Variants in FAM174A observed in about 807,000 individuals in gnomAD.
FAM174A encodes membrane protein FAM174A.
A neutral mutation model predicts 14.3 loss-of-function variants in FAM174A; 14 were observed. That is an observed-to-expected ratio of 0.98 (90% confidence interval 0.65 to 1.53). The LOEUF (loss-of-function observed/expected upper bound fraction) is 1.53, where lower values mean the gene tolerates loss of function less well. Ranked by LOEUF, FAM174A falls within the 40% of genes most tolerant of loss-of-function variation. The pLI is 0.00. For missense variants in FAM174A, 241 were observed against 249.6 expected (o/e 0.97, Z 0.23); for synonymous variants, 108 against 111.4 (o/e 0.97, Z 0.19).
At chr5:100,563,311 T>A (rs927647219) in intron 2 of FAM174A, among the ~76,000 whole-genome samples, 2 of 151,828 alleles carry the variant, frequency 1.3e-5, no homozygotes, top group Non-Finnish European at 2.9e-5. Context: ...GAAACTGATA[T>A]TCCATGCAAA....
At chr5:100,549,185 T>C (rs73774436) in intron 1 of FAM174A, among the ~76,000 whole-genome samples, 1 of 152,162 alleles carries the variant, frequency 6.6e-6, no homozygotes, top group Admixed American at 6.6e-5. Context: ...ATAGAACCAG[T>C]GAGAGGCTAC....
intron 1 of FAM174A, among the ~76,000 whole-genome samples, chr5:100,557,481 C>G (rs1292736967): frequency 6.6e-6 from 1 of 152,124 alleles, no homozygotes; most frequent in East Asian, 1.9e-4. Context: ...CCCTCTTTTT[C>G]TATTGATTGG....
intron 1 of FAM174A, among the ~76,000 whole-genome samples, chr5:100,545,926 A>C (rs1222567726): frequency 6.6e-6 from 1 of 152,190 alleles, no homozygotes; most frequent in African/African-American, 2.4e-5. Flanking sequence ...AAATTTATAT[A>C]GATGTATACA....
At chr5:100,562,231 T>A (rs1262370362) in intron 2 of FAM174A, 43 bp downstream of exon 2, 1 of 1,533,636 alleles carries the variant, frequency 6.5e-7, no homozygotes, top group Non-Finnish European at 8.7e-7. Flanking sequence ...AGGAAGCAAG[T>A]CCTTGCCAAG....
chr5:100,571,261 T>C (rs1746773320), intron 2 of FAM174A, among the ~76,000 whole-genome samples: 1 of 151,764 alleles, frequency 6.6e-6, no homozygotes, highest in Non-Finnish European at 1.5e-5. Context: ...TTTGCATCTA[T>C]GTATTTAAAA....
intron 1 of FAM174A, among the ~76,000 whole-genome samples, chr5:100,541,862 C>G (rs1011646016): frequency 8.5e-5 from 13 of 152,148 alleles, no homozygotes; most frequent in Non-Finnish European, 4.4e-5. Context: ...ACTCAGTGCA[C>G]TGGTTCTTAC....
At chr5:100,568,799 A>G (rs1746718150) in intron 2 of FAM174A, among the ~76,000 whole-genome samples, 1 of 151,942 alleles carries the variant, frequency 6.6e-6, no homozygotes, top group African/African-American at 2.4e-5. Context: ...AAGGATATAT[A>G]GTCAGATACT....
intron 2 of FAM174A, among the ~76,000 whole-genome samples, chr5:100,572,156 G>T (rs1746795040): frequency 6.7e-6 from 1 of 150,118 alleles, no homozygotes; most frequent in African/African-American, 2.4e-5. Flanking sequence ...GCTTAAGGAA[G>T]TTATATTAAT....
intron 2 of FAM174A, among the ~76,000 whole-genome samples, chr5:100,583,174 C>T (rs1015285529): frequency 4.6e-5 from 7 of 152,086 alleles, no homozygotes; most frequent in African/African-American, 1.7e-4. Context: ...TCCTTGTCTT[C>T]ACGTTGAGTA....
intron 1 of FAM174A, among the ~76,000 whole-genome samples, chr5:100,547,087 G>A (rs1167540796): frequency 6.6e-6 from 1 of 152,182 alleles, no homozygotes; most frequent in African/African-American, 2.4e-5. Flanking sequence ...TTGTAGGCTA[G>A]GCCACATCAT....
intron 1 of FAM174A, among the ~76,000 whole-genome samples, chr5:100,558,200 G>C (rs1746437571): frequency 6.6e-6 from 1 of 152,186 alleles, no homozygotes; most frequent in African/African-American, 2.4e-5. Context: ...TATGTACCCA[G>C]TAGTCATTCA....
At chr5:100,567,318 G>T (rs946009038) in intron 2 of FAM174A, among the ~76,000 whole-genome samples, 2 of 151,540 alleles carry the variant, frequency 1.3e-5, no homozygotes, top group African/African-American at 4.8e-5. Context: ...CTATCTATTT[G>T]CCAAGCACTG....
In FAM174A at chr5:100,586,373, C is replaced by T. The variant is rs183186849; in HGVS notation, c.*189C>T. 3.5e-4 allele frequency: 129 copies of T among 365,838 alleles called. No homozygotes were observed. Among genetic ancestry groups the T allele is most frequent in the African/African-American group, 2.5e-3 (120 of 47,512 alleles). The allele number at this position is 365,838 out of a possible 1,614,324, so 22.7% of individuals were successfully genotyped here. On this transcript the variant is annotated 3_prime_UTR_variant, in exon 3 of 3. Transcript: ENST00000312637. ...TTATATCTTTATATGTATAGAAGTA[C>T]TCTGTTAATGGGCTCAGAGATGTTG...
Position 100,586,178 on chromosome 5 carries a change from C to T in FAM174A, c.570-3C>T. On this transcript the variant is annotated splice_region_variant and splice_polypyrimidine_tract_variant and intron_variant, in intron 2 of 2. Transcript: ENST00000312637. Reference sequence around the variant, plus strand: ...TTATGGTATTTTTTTCTTTTTCTTGCAGATAAGAATGTGCCTTTTGATGAA... The same window carrying T: ...TTATGGTATTTTTTTCTTTTTCTTGTAGATAAGAATGTGCCTTTTGATGAA... 1 of 1,387,900 alleles carries T rather than the reference C, an allele frequency of 7.2e-7. No individual in the cohort carries two copies. Among genetic ancestry groups the T allele is most frequent in the Non-Finnish European group, 1.0e-6 (1 of 1,003,836 alleles). 86.0% of individuals were successfully genotyped at this position (1,387,900 alleles called of 1,614,324 possible). A position where few individuals can be genotyped will look rare whatever the true frequency, so the allele number is the denominator to read the frequency against.
chr5:100,535,871 A>T lies in FAM174A; in HGVS notation c.341A>T (p.Asn114Ile). The T allele has an allele frequency of 6.2e-7, 1 of 1,612,946 alleles. No homozygotes were observed. Reference protein sequence around the residue: ...SVGGGLAVSPNPGDKPMTQRA... With the variant: ...SVGGGLAVSPIPGDKPMTQRA... ...GGTGGCGGCCTTGCTGTGAGCCCCAACCCTGGCGACAAGCCCATGACCCAG... is the reference window on the plus strand; with the variant it reads ...GGTGGCGGCCTTGCTGTGAGCCCCATCCCTGGCGACAAGCCCATGACCCAG... The change falls in exon 1 of 3, where the codon AAC becomes ATC. Residue 114 changes from asparagine to isoleucine, a missense_variant. Transcript: ENST00000312637.
chr5:100,545,712 G>T (rs1746152336), intron 1 of FAM174A, among the ~76,000 whole-genome samples: 1 of 152,024 alleles, frequency 6.6e-6, no homozygotes, highest in African/African-American at 2.4e-5. Context: ...AATTTTCCAT[G>T]CATGCCTTTA....
intron 1 of FAM174A, among the ~76,000 whole-genome samples, chr5:100,547,928 C>G (rs536756884): frequency 6.6e-6 from 1 of 151,998 alleles, no homozygotes; most frequent in African/African-American, 2.4e-5. Context: ...TATTTTTCCA[C>G]TCTTGCCTTT....
chr5:100,555,197 C>A (rs192327473), intron 1 of FAM174A, among the ~76,000 whole-genome samples: 2 of 151,444 alleles, frequency 1.3e-5, no homozygotes, highest in Admixed American at 6.6e-5. Flanking sequence ...TTTGTCCTTG[C>A]GACAGTTTGC....
At chr5:100,582,934 A>T (rs955786265) in intron 2 of FAM174A, among the ~76,000 whole-genome samples, 2 of 152,190 alleles carry the variant, frequency 1.3e-5, no homozygotes, top group Non-Finnish European at 2.9e-5. Flanking sequence ...ATCCACGTGT[A>T]ATTTTTGGAC....
Sources: gnomAD v4.1 joint callset for allele counts (sites outside exome capture counted in the v4.1 genomes callset) on GRCh38, gnomAD v4.1.1 for gene constraint, MANE v1.5 for transcripts, NCBI Gene and HGNC (gene_info 2026-07-23, HGNC 2026-07-21) for gene names.